Variants in CTNNA2 observed in about 807,000 individuals in gnomAD.
CTNNA2 encodes catenin alpha-2.
CTNNA2 carries 42 observed loss-of-function variants against 101.0 expected under a neutral mutation model. That is an observed-to-expected ratio of 0.42 (90% CI 0.32 to 0.54). CTNNA2 has a LOEUF of 0.54. Among genes scored for constraint, CTNNA2 ranks in the 20% least tolerant of loss-of-function variants. The pLI is 0.14. For synonymous variants in CTNNA2, 450 were observed against 456.4 expected (o/e 0.99, Z 0.18); for missense variants, 871 against 1,223.1 (o/e 0.71, Z 4.29).
chr2:80,439,114 C>T (rs567134712), intron 9 of CTNNA2, among the ~76,000 whole-genome samples: 14 of 152,234 alleles, frequency 9.2e-5, no homozygotes, highest in South Asian at 6.2e-4. Context: ...GAATATATCA[C>T]GTAATTATGA....
intron 7 of CTNNA2, among the ~76,000 whole-genome samples, chr2:79,911,698 T>C (rs1046314793): frequency 2.6e-5 from 4 of 152,242 alleles, no homozygotes; most frequent in Non-Finnish European, 4.4e-5. Flanking sequence ...CATCAATGGG[T>C]ATAGTGCTTA....
chr2:80,176,644 T>C (rs1464324531), intron 7 of CTNNA2, among the ~76,000 whole-genome samples: 1 of 152,192 alleles, frequency 6.6e-6, no homozygotes, highest in African/African-American at 2.4e-5. Flanking sequence ...GTTATAGTTT[T>C]CCATTGACCT....
chr2:79,187,104 T>C (rs1309613094), intron 1 of CTNNA2, among the ~76,000 whole-genome samples: 5 of 152,102 alleles, frequency 3.3e-5, no homozygotes, highest in African/African-American at 9.7e-5. Context: ...TGTTTATGAA[T>C]GGTATTATAT....
chr2:80,137,090 G>A (rs1573191347), intron 7 of CTNNA2, among the ~76,000 whole-genome samples: 1 of 152,166 alleles, frequency 6.6e-6, no homozygotes, highest in Non-Finnish European at 1.5e-5. Flanking sequence ...TAAAAGATAT[G>A]TCTCTTGTTC....
chr2:79,476,974 A>C (rs1031511294), intron 4 of CTNNA2, among the ~76,000 whole-genome samples: 1 of 152,100 alleles, frequency 6.6e-6, no homozygotes, highest in Non-Finnish European at 1.5e-5. Flanking sequence ...GACCTTGGTC[A>C]TAAGTTCTAA....
At chr2:80,013,521 C>T (rs1558728378) in intron 7 of CTNNA2, among the ~76,000 whole-genome samples, 1 of 152,144 alleles carries the variant, frequency 6.6e-6, no homozygotes, top group South Asian at 2.1e-4. Context: ...TTACACTAAC[C>T]TGCTTTATCC....
chr2:79,287,894 A>G (rs1164288815), intron 2 of CTNNA2, among the ~76,000 whole-genome samples: 1 of 152,232 alleles, frequency 6.6e-6, no homozygotes, highest in East Asian at 1.9e-4. Flanking sequence ...GCTAGCAGTC[A>G]GTGAGACTCC....
At chr2:79,364,760 G>T (rs757921498) in intron 3 of CTNNA2, among the ~76,000 whole-genome samples, 2 of 152,186 alleles carry the variant, frequency 1.3e-5, no homozygotes, top group African/African-American at 4.8e-5. Flanking sequence ...GTCAAAAGTA[G>T]ATTTCTCATG....
chr2:80,486,860 TCA>T, intron 9 of CTNNA2, among the ~76,000 whole-genome samples: 1 of 152,326 alleles, frequency 6.6e-6, no homozygotes, highest in Non-Finnish European at 1.5e-5. Flanking sequence ...TTCCATCAGC[TCA>T]TCTACTAATG....
intron 6 of CTNNA2, among the ~76,000 whole-genome samples, chr2:79,875,405 A>G (rs1263206158): frequency 6.6e-6 from 1 of 152,232 alleles, no homozygotes; most frequent in Non-Finnish European, 1.5e-5. Flanking sequence ...AGAATGCACT[A>G]AACACCATTT....
intron 1 of CTNNA2, among the ~76,000 whole-genome samples, chr2:79,615,997 A>G (rs557183943): frequency 5.9e-5 from 9 of 152,192 alleles, no homozygotes; most frequent in Admixed American, 3.9e-4. Flanking sequence ...ACTGTGACAG[A>G]GAGAAGAACA....
chr2:79,428,549 G>A (rs1460678028), intron 4 of CTNNA2, among the ~76,000 whole-genome samples: 3 of 152,006 alleles, frequency 2.0e-5, no homozygotes, highest in African/African-American at 7.2e-5. Flanking sequence ...GAAGGTGGAG[G>A]TGGTAGATAC....
At chr2:79,524,212 G>T (rs1672273426) in intron 1 of CTNNA2, among the ~76,000 whole-genome samples, 1 of 151,732 alleles carries the variant, frequency 6.6e-6, no homozygotes, top group Non-Finnish European at 1.5e-5. Flanking sequence ...CTTTCCATTG[G>T]CAGGTCTCTT....
chr2:79,340,047 A>G (rs1183386811), intron 3 of CTNNA2: 1 of 152,208 alleles, frequency 6.6e-6, no homozygotes, highest in East Asian at 1.9e-4. Flanking sequence ...TAATGGTAAC[A>G]TGGATTCAAC....
At chr2:80,216,013 G>T (rs1217282282) in intron 7 of CTNNA2, among the ~76,000 whole-genome samples, 1 of 152,204 alleles carries the variant, frequency 6.6e-6, no homozygotes, top group Admixed American at 6.5e-5. Context: ...ATCTCAGACT[G>T]CTGTGCTAGC....
At chr2:79,899,276 A>C (rs1684917946) in intron 6 of CTNNA2, among the ~76,000 whole-genome samples, 1 of 152,252 alleles carries the variant, frequency 6.6e-6, no homozygotes, top group Admixed American at 6.5e-5. Flanking sequence ...TAATCAATTC[A>C]TAATATAAAG....
At chr2:80,412,092 C>A (rs953414435) in intron 8 of CTNNA2, among the ~76,000 whole-genome samples, 4 of 152,108 alleles carry the variant, frequency 2.6e-5, no homozygotes, top group African/African-American at 9.7e-5. Flanking sequence ...AGGTGCTGTA[C>A]CTGCTAGATT....
chr2:79,948,087 C>T (rs1197150051), intron 7 of CTNNA2, among the ~76,000 whole-genome samples: 1 of 152,170 alleles, frequency 6.6e-6, no homozygotes, highest in Non-Finnish European at 1.5e-5. Flanking sequence ...ACTAGCAGCT[C>T]AATGCATATG....
intron 1 of CTNNA2, among the ~76,000 whole-genome samples, chr2:79,593,283 T>C (rs1676978497): frequency 6.6e-6 from 1 of 152,178 alleles, no homozygotes; most frequent in Admixed American, 6.5e-5. Flanking sequence ...TTCTCAACCA[T>C]AGGATAATAC....
Sources: gnomAD v4.1 joint callset for allele counts (sites outside exome capture counted in the v4.1 genomes callset) on GRCh38, gnomAD v4.1.1 for gene constraint, MANE v1.5 for transcripts, NCBI Gene and HGNC (gene_info 2026-07-23, HGNC 2026-07-21) for gene names.